Variants in SAXO4 observed in about 807,000 individuals in gnomAD.
SAXO4 encodes protein phosphatase 1 regulatory subunit 32.
At chr11:61,485,467 A>T in the SAXO4 span, 1 of 1,451,718 alleles carries the variant, frequency 6.9e-7, no homozygotes, top group South Asian at 1.2e-5. Flanking sequence ...TTGCTACCCC[A>T]GGGGCCCTGG....
the SAXO4 span, chr11:61,485,918 C>A: frequency 6.3e-7 from 1 of 1,599,308 alleles, no homozygotes; most frequent in African/African-American, 1.3e-5. Flanking sequence ...CCCTGTAAGT[C>A]GGCTGGGCTC....
chr11:61,489,558 G>A, the SAXO4 span: 1 of 601,810 alleles, frequency 1.7e-6, no homozygotes, highest in South Asian at 2.0e-5. Flanking sequence ...CACTGAAACT[G>A]TCCTTTAACA....
the SAXO4 span, chr11:61,485,900 C>G: frequency 6.2e-7 from 1 of 1,613,204 alleles, no homozygotes; most frequent in Non-Finnish European, 8.5e-7. Context: ...ACAGGCCCTC[C>G]CTGGGGACCC....
At chr11:61,489,162 GTTCTGACCCC>G in the SAXO4 span, 4 of 133,034 alleles carry the variant, frequency 3.0e-5, no homozygotes, top group Admixed American at 2.7e-4. Context: ...GGGCAACGAT[GTTCTGACCCC>G]TTCTTAGGCA....
the SAXO4 span, chr11:61,487,215 C>A: frequency 3.7e-5 from 60 of 1,613,810 alleles, no homozygotes; most frequent in Admixed American, 1.0e-4. Flanking sequence ...CAGGGATCAG[C>A]GATACCTGAC....
chr11:61,482,852 G>C, the SAXO4 span: 3 of 1,541,582 alleles, frequency 1.9e-6, no homozygotes, highest in South Asian at 2.4e-5. Context: ...CTCAGGGTGG[G>C]GTGGGGCTAG....
At chr11:61,483,164 C>CTTT in the SAXO4 span, among the ~76,000 whole-genome samples, 26 of 119,360 alleles carry the variant, frequency 2.2e-4, no homozygotes, top group Non-Finnish European at 3.7e-4. Flanking sequence ...ATTTCTTTTT[C>CTTT]TTTTTTTTTT....
chr11:61,483,169 T>C, the SAXO4 span, among the ~76,000 whole-genome samples: 26 of 141,512 alleles, frequency 1.8e-4, no homozygotes, highest in South Asian at 7.0e-4. Context: ...TTTTTCTTTT[T>C]TTTTTTTTTT....
the SAXO4 span, chr11:61,485,314 A>G: frequency 4.1e-5 from 66 of 1,610,548 alleles, no homozygotes; most frequent in South Asian, 4.4e-5. Flanking sequence ...CAGTGCCCCC[A>G]CTCCTCCAAC....
At chr11:61,486,849 A>G in the SAXO4 span, 1 of 1,033,418 alleles carries the variant, frequency 9.7e-7, no homozygotes, top group Non-Finnish European at 1.5e-6. Flanking sequence ...GGCTGTGGAC[A>G]GGTCACAGCT....
the SAXO4 span, among the ~76,000 whole-genome samples, chr11:61,485,627 CT>C: frequency 1.3e-5 from 2 of 152,316 alleles, no homozygotes; most frequent in East Asian, 3.9e-4. Context: ...GCTCCCTCTC[CT>C]GTCCTCCGGC....
the SAXO4 span, chr11:61,486,516 C>G: frequency 6.2e-7 from 1 of 1,613,970 alleles, no homozygotes; most frequent in Non-Finnish European, 8.5e-7. Flanking sequence ...CTGCTTTGCT[C>G]CCTCCAGGGA....
At chr11:61,482,796 C>G in the SAXO4 span, 1 of 1,609,372 alleles carries the variant, frequency 6.2e-7, no homozygotes, top group South Asian at 1.1e-5. Context: ...GTGCGGGTCC[C>G]CCCACCAAGG....
chr11:61,482,826 G>C, the SAXO4 span: 7 of 1,580,776 alleles, frequency 4.4e-6, no homozygotes, highest in Non-Finnish European at 6.0e-6. Flanking sequence ...CTGGGCCAGG[G>C]CCAGGAGAGG....
At chr11:61,484,484 G>A in the SAXO4 span, among the ~76,000 whole-genome samples, 1 of 152,208 alleles carries the variant, frequency 6.6e-6, no homozygotes, top group African/African-American at 2.4e-5. Flanking sequence ...GTCCTTGCAG[G>A]CCACCAGGAG....
the SAXO4 span, chr11:61,485,829 A>T: frequency 6.2e-7 from 1 of 1,613,998 alleles, no homozygotes; most frequent in Non-Finnish European, 8.5e-7. Flanking sequence ...ATCGGCGCAA[A>T]GGAGGGGAGT....
the SAXO4 span, chr11:61,489,371 C>G: frequency 2.4e-6 from 1 of 415,362 alleles, no homozygotes. Flanking sequence ...TGCACCCCCT[C>G]TTCATAAGTT....
chr11:61,482,976 A>G, the SAXO4 span, among the ~76,000 whole-genome samples: 1 of 150,312 alleles, frequency 6.7e-6, no homozygotes, highest in African/African-American at 2.5e-5. Flanking sequence ...TGTCCCCACC[A>G]TCCCCACCAC....
chr11:61,482,397 A>G, the SAXO4 span: 4 of 1,614,030 alleles, frequency 2.5e-6, no homozygotes, highest in Non-Finnish European at 3.4e-6. Context: ...ATGCCAAGCC[A>G]GTCTGGAGGC....
Sources: gnomAD v4.1 joint callset for allele counts (sites outside exome capture counted in the v4.1 genomes callset) on GRCh38, gnomAD v4.1.1 for gene constraint, MANE v1.5 for transcripts, NCBI Gene and HGNC (gene_info 2026-07-23, HGNC 2026-07-21) for gene names.